The following TPGS2 variants were observed in gnomAD, a reference collection of about 807,000 sequenced individuals.
TPGS2 encodes the protein polyglutamylase subunit 2.
In TPGS2, 26 loss-of-function variants were observed where a neutral mutation model predicts 31.1. That is an observed-to-expected ratio of 0.84 (90% confidence interval 0.61 to 1.16). The LOEUF is 1.16. Among genes scored for constraint, TPGS2 ranks in the 50% most tolerant of loss-of-function variants. The pLI is 0.00. For missense variants in TPGS2, 351 were observed against 363.8 expected (o/e 0.96, Z 0.29); for synonymous variants, 130 against 136.6 (o/e 0.95, Z 0.34).
chr18:36,817,212 G>A (rs774642947), intron 2 of TPGS2, among the ~76,000 whole-genome samples: 28 of 152,176 alleles, frequency 1.8e-4, no homozygotes, highest in Non-Finnish European at 2.9e-4. Context: ...CCCAGTTACT[G>A]AGCTGCCAGA....
rs936607715 is a variant in TPGS2, at chr18:36,828,960, C to G, written c.-193G>C. The G allele has an allele frequency of 1.2e-5, 12 of 999,292 alleles. No individual in the cohort carries two copies. Among genetic ancestry groups the G allele is most frequent in the Non-Finnish European group, 1.7e-5 (12 of 713,088 alleles). The allele number at this position is 999,292 out of a possible 1,614,324, so 61.9% of individuals were successfully genotyped here. On this transcript the variant is annotated 5_prime_UTR_variant, in exon 1 of 7. Coordinates refer to ENST00000334295, the MANE Select transcript of TPGS2 (RefSeq NM_015476.4). Reference sequence around the variant, plus strand: ...GGGCGCCGGTTCCCGCGGCCCCGCCCGGTGCCCCACACCGCACCTCCGGGA... The same window carrying G: ...GGGCGCCGGTTCCCGCGGCCCCGCCGGGTGCCCCACACCGCACCTCCGGGA...
At chr18:36,784,642 T>G (rs2044089173) in intron 6 of TPGS2, among the ~76,000 whole-genome samples, 1 of 152,324 alleles carries the variant, frequency 6.6e-6, no homozygotes, top group South Asian at 2.1e-4. Context: ...AGCTAAAATA[T>G]TATTTATTGA....
intron 2 of TPGS2, among the ~76,000 whole-genome samples, chr18:36,814,028 GA>G (rs1452640811): frequency 6.6e-6 from 1 of 151,806 alleles, no homozygotes; most frequent in Admixed American, 6.6e-5. Context: ...AACTGAGTCT[GA>G]AAAAAAAGGA....
chr18:36,819,249 G>C (rs1329600523), intron 1 of TPGS2, among the ~76,000 whole-genome samples: 1 of 152,206 alleles, frequency 6.6e-6, no homozygotes, highest in East Asian at 1.9e-4. Flanking sequence ...ACAAAAAACA[G>C]AGATTGTAGA....
intron 2 of TPGS2, among the ~76,000 whole-genome samples, chr18:36,816,588 C>A (rs528274629): frequency 6.6e-6 from 1 of 152,290 alleles, no homozygotes; most frequent in African/African-American, 2.4e-5. Flanking sequence ...ATCTGACTCT[C>A]ACAAAAGAGC....
At chr18:36,782,996 C>G in exon 7 of TPGS2, 1 of 398,172 alleles carries the variant, frequency 2.5e-6, no homozygotes, top group Non-Finnish European at 4.4e-6. Context: ...GCCCTGTCCA[C>G]AAATGTCAAG....
Position 36,797,053 on chromosome 18 carries a change from G to T in TPGS2, c.658-3C>A, listed in dbSNP as rs2044564023. On this transcript the variant is annotated splice_region_variant and splice_polypyrimidine_tract_variant and intron_variant, in intron 6 of 6. Coordinates refer to ENST00000334295, the MANE Select transcript of TPGS2 (RefSeq NM_015476.4). Reference sequence around the variant, plus strand: ...GGTTTATACATGCTGAACCATTGCTGTAAGGCAGAATTGGAAGACAAGGTC... The same window carrying T: ...GGTTTATACATGCTGAACCATTGCTTTAAGGCAGAATTGGAAGACAAGGTC... 6.3e-7 allele frequency: 1 copy of T among 1,590,596 alleles called. No homozygotes were observed. The highest frequency in any genetic ancestry group is 8.5e-7 in the Non-Finnish European group (1 of 1,172,452).
downstream of TPGS2, among the ~76,000 whole-genome samples, chr18:36,793,212 T>A (rs2044374111): frequency 6.6e-6 from 1 of 152,194 alleles, no homozygotes; most frequent in African/African-American, 2.4e-5. Flanking sequence ...GACAACAGAA[T>A]ATATGCATGA....
chr18:36,794,399 C>T lies in TPGS2; in HGVS notation c.*2406G>A. The T allele has an allele frequency of 2.0e-6, 2 of 985,480 alleles. No homozygotes were observed. Among genetic ancestry groups the T allele is most frequent in the Non-Finnish European group, 2.4e-6 (2 of 829,964 alleles). 61.0% of individuals were successfully genotyped at this position (985,480 alleles called of 1,614,324 possible). On this transcript the variant is annotated 3_prime_UTR_variant, in exon 7 of 7. Transcript: ENST00000334295. The stretch of plus-strand genomic sequence containing the variant: ...TTTGATAGCCTTTTGAGAACTCCCA[C>T]TTGATTGCCACAGATTTGAGTGACA...
At chr18:36,799,687 C>T (rs2044710145) in intron 5 of TPGS2, among the ~76,000 whole-genome samples, 1 of 152,108 alleles carries the variant, frequency 6.6e-6, no homozygotes, top group Non-Finnish European at 1.5e-5. Flanking sequence ...AAGAGGGCTG[C>T]CATTGTCCAG....
At chr18:36,780,266 G>T, downstream of TPGS2, 1 of 1,050,386 alleles carries the variant, frequency 9.5e-7, no homozygotes, top group Non-Finnish European at 1.2e-6. Context: ...CTAAGTCCTT[G>T]TTACAGGACG....
In TPGS2 at chr18:36,828,666, G is replaced by A; in HGVS notation, c.85+17C>T. On this transcript the variant is annotated intron_variant, in intron 1 of 6. Coordinates refer to ENST00000334295, the MANE Select transcript of TPGS2 (RefSeq NM_015476.4). ...TTCTCCTCCACACCCTCTCGGCACC[G>A]TGCCCCCTTTCCTCACCTAGGATGC... 1.2e-6 allele frequency: 2 copies of A among 1,613,570 alleles called. No individual in the cohort carries two copies. The highest frequency in any genetic ancestry group is 1.3e-5 in the African/African-American group (1 of 75,004).
Position 36,828,953 on chromosome 18 carries a change from C to T in TPGS2, c.-186G>A, listed in dbSNP as rs541923422. The T allele has an allele frequency of 1.2e-5, 12 of 998,492 alleles. No individual in the cohort carries two copies. The East Asian group carries it at 1.7e-4, about 14-fold the overall frequency. The allele number at this position is 998,492 out of a possible 1,614,324, so 61.9% of individuals were successfully genotyped here. A position where few individuals can be genotyped will look rare whatever the true frequency, so the allele number is the denominator to read the frequency against. On this transcript the variant is annotated 5_prime_UTR_variant, in exon 1 of 7. Transcript: ENST00000334295. ...CTCCGTGGGGCGCCGGTTCCCGCGG[C>T]CCCGCCCGGTGCCCCACACCGCACC...
chr18:36,806,845 C>A, intron 3 of TPGS2, among the ~76,000 whole-genome samples: 1 of 94,320 alleles, frequency 1.1e-5, no homozygotes, highest in East Asian at 3.2e-4. Flanking sequence ...AGTGAGACTC[C>A]ATCTTAAAAA....
chr18:36,818,767 G>T, intron 2 of TPGS2, 127 bp downstream of exon 2: 1 of 837,952 alleles, frequency 1.2e-6, no homozygotes, highest in Non-Finnish European at 1.9e-6. Flanking sequence ...ACATAGAAAA[G>T]GTAAACTCTA....
At chr18:36,798,296 A>G in intron 6 of TPGS2, 153 bp downstream of exon 6, 1 of 1,465,704 alleles carries the variant, frequency 6.8e-7, no homozygotes, top group Middle Eastern at 2.6e-4. Context: ...GTCCATTGGA[A>G]TCATCTGTCT....
At chr18:36,825,255 ACCC>A (rs1167061529) in intron 1 of TPGS2, among the ~76,000 whole-genome samples, 1 of 151,866 alleles carries the variant, frequency 6.6e-6, no homozygotes, top group African/African-American at 2.4e-5. Context: ...ACATGGTGAA[ACCC>A]TGTCTCTACT....
intron 2 of TPGS2, among the ~76,000 whole-genome samples, chr18:36,810,076 T>G (rs1463182698): frequency 6.6e-6 from 1 of 152,154 alleles, no homozygotes; most frequent in Non-Finnish European, 1.5e-5. Context: ...ACCAAATTCA[T>G]GAAAAACATC....
At chr18:36,813,996 C>T (rs2045546049) in intron 2 of TPGS2, among the ~76,000 whole-genome samples, 1 of 152,122 alleles carries the variant, frequency 6.6e-6, no homozygotes, top group African/African-American at 2.4e-5. Context: ...AGGTTCAGAA[C>T]CCACTCTGTA....
Sources: gnomAD v4.1 joint callset for allele counts (sites outside exome capture counted in the v4.1 genomes callset) on GRCh38, gnomAD v4.1.1 for gene constraint, MANE v1.5 for transcripts, NCBI Gene and HGNC (gene_info 2026-07-23, HGNC 2026-07-21) for gene names.